Variants in PHTF2 observed in about 807,000 individuals in gnomAD.
PHTF2 encodes protein PHTF2.
A neutral mutation model predicts 101.2 loss-of-function variants in PHTF2; 60 were observed. That is an observed-to-expected ratio of 0.59 (90% CI 0.48 to 0.73). The LOEUF (loss-of-function observed/expected upper bound fraction) is 0.73. PHTF2 is among the 30% of genes least tolerant of loss of function. PHTF2 has a pLI of 0.00. For missense variants in PHTF2, 747 were observed against 908.7 expected (o/e 0.82, Z 2.29); for synonymous variants, 311 against 307.3 (o/e 1.01, Z -0.13).
chr7:77,916,246 A>T (rs901195752), intron 9 of PHTF2, among the ~76,000 whole-genome samples: 17 of 152,294 alleles, frequency 1.1e-4, no homozygotes, highest in Admixed American at 2.6e-4. Context: ...TTGTTTTTTA[A>T]ATAAGTCTCT....
At chr7:77,799,684 A>G (rs1206699796) in intron 1 of PHTF2, among the ~76,000 whole-genome samples, 1 of 152,142 alleles carries the variant, frequency 6.6e-6, no homozygotes, top group Non-Finnish European at 1.5e-5. Flanking sequence ...TGGCTTTCTA[A>G]CTCAGCACCT....
chr7:77,808,227 G>C (rs1036537383), intron 1 of PHTF2, among the ~76,000 whole-genome samples: 5 of 152,098 alleles, frequency 3.3e-5, no homozygotes, highest in Non-Finnish European at 7.4e-5. Context: ...AAATGCTCTT[G>C]GGATTTTGAT....
At chr7:77,863,826 G>T (rs1158671782) in intron 3 of PHTF2, among the ~76,000 whole-genome samples, 1 of 140,800 alleles carries the variant, frequency 7.1e-6, no homozygotes, top group Non-Finnish European at 1.5e-5. Context: ...TTACTCTGTC[G>T]CCCAAGCTGG....
At chr7:77,836,974 CAAA>C (rs60178398) in intron 1 of PHTF2, among the ~76,000 whole-genome samples, 4 of 89,584 alleles carry the variant, frequency 4.5e-5, no homozygotes, top group Admixed American at 2.4e-4. Context: ...ATAAAAAAAG[CAAA>C]AAAAAAAAAA....
At chr7:77,938,854 A>G (rs1805391230) in intron 13 of PHTF2, among the ~76,000 whole-genome samples, 1 of 152,206 alleles carries the variant, frequency 6.6e-6, no homozygotes, top group Admixed American at 6.5e-5. Flanking sequence ...GCAATTTCTA[A>G]ATTTCTTTGG....
intron 5 of PHTF2, chr7:77,895,257 A>G: frequency 2.5e-6 from 1 of 398,578 alleles, no homozygotes; most frequent in South Asian, 1.9e-5. Flanking sequence ...TAGCTATAGG[A>G]ATGAGTAGAT....
chr7:77,831,714 AC>A (rs1795090338), intron 1 of PHTF2, among the ~76,000 whole-genome samples: 1 of 152,218 alleles, frequency 6.6e-6, no homozygotes, highest in Non-Finnish European at 1.5e-5. Context: ...TGAACAGAGC[AC>A]GGCTGCCATG....
At chr7:77,938,696 T>G (rs848448) in intron 13 of PHTF2, among the ~76,000 whole-genome samples, 89,661 of 152,036 alleles carry the variant, frequency 0.59, 26,801 homozygotes, top group East Asian at 0.79. Flanking sequence ...AGAATGGCAT[T>G]AACCTGGGAG....
intron 2 of PHTF2, among the ~76,000 whole-genome samples, chr7:77,843,797 A>G (rs1316642249): frequency 6.6e-6 from 1 of 152,244 alleles, no homozygotes; most frequent in African/African-American, 2.4e-5. Context: ...CAATATACAT[A>G]TACAGAAAAT....
intron 1 of PHTF2, among the ~76,000 whole-genome samples, chr7:77,831,436 G>A (rs1320739564): frequency 1.3e-5 from 2 of 152,182 alleles, no homozygotes; most frequent in African/African-American, 4.8e-5. Context: ...TTCAGAAGGT[G>A]GCACATGTTC....
At chr7:77,884,126 A>G (rs866785014) in intron 3 of PHTF2, among the ~76,000 whole-genome samples, 1 of 152,222 alleles carries the variant, frequency 6.6e-6, no homozygotes, top group Admixed American at 6.5e-5. Context: ...GTATCAGCAA[A>G]TATTAAAAGC....
At chr7:77,850,467 C>T (rs1246708978) in intron 2 of PHTF2, among the ~76,000 whole-genome samples, 2 of 148,610 alleles carry the variant, frequency 1.3e-5, no homozygotes, top group African/African-American at 2.5e-5. Context: ...AGTGGGACCT[C>T]GTCTCTAAAA....
chr7:77,935,153 A>G (rs1804987869), intron 12 of PHTF2, among the ~76,000 whole-genome samples: 1 of 126,038 alleles, frequency 7.9e-6, no homozygotes, highest in Admixed American at 8.8e-5. Context: ...AGAGGAATAT[A>G]GCAGTCTTTT....
chr7:77,809,580 A>G (rs2150482408), intron 1 of PHTF2, among the ~76,000 whole-genome samples: 1 of 152,226 alleles, frequency 6.6e-6, no homozygotes, highest in Admixed American at 6.5e-5. Flanking sequence ...TGTGCGCAAA[A>G]TATGTCTGTA....
At chr7:77,945,468 T>C (rs1212456697) in intron 16 of PHTF2, among the ~76,000 whole-genome samples, 2 of 146,974 alleles carry the variant, frequency 1.4e-5, no homozygotes, top group African/African-American at 4.9e-5. Context: ...TCCCATGTAT[T>C]AGGCAATAAA....
chr7:77,953,731 T>C (rs574945918), intron 18 of PHTF2, 38 bp from the exon 18 acceptor site: 3 of 1,585,836 alleles, frequency 1.9e-6, no homozygotes, highest in African/African-American at 2.7e-5. Flanking sequence ...AGTAATTCTT[T>C]TTGAATCTGG....
intron 1 of PHTF2, among the ~76,000 whole-genome samples, chr7:77,827,790 C>T (rs1263437013): frequency 6.6e-6 from 1 of 152,076 alleles, no homozygotes; most frequent in African/African-American, 2.4e-5. Context: ...CAGGTGCCAG[C>T]CACCATGCCT....
chr7:77,887,886 C>A (rs1370527063), intron 3 of PHTF2, among the ~76,000 whole-genome samples: 2 of 152,288 alleles, frequency 1.3e-5, no homozygotes, highest in African/African-American at 4.8e-5. Context: ...AGAGAAAGGA[C>A]TTCACATTCT....
intron 5 of PHTF2, among the ~76,000 whole-genome samples, chr7:77,900,133 G>A (rs1379878159): frequency 6.6e-6 from 1 of 152,130 alleles, no homozygotes; most frequent in Non-Finnish European, 1.5e-5. Flanking sequence ...TGGTGTCTAA[G>A]TTTTGAGGTG....
Sources: gnomAD v4.1 joint callset for allele counts (sites outside exome capture counted in the v4.1 genomes callset) on GRCh38, gnomAD v4.1.1 for gene constraint, MANE v1.5 for transcripts, NCBI Gene and HGNC (gene_info 2026-07-23, HGNC 2026-07-21) for gene names.